The following ZNF264 variants were observed in gnomAD, a reference collection of about 807,000 sequenced individuals.
The protein encoded by ZNF264 is zinc finger protein 264.
A neutral mutation model predicts 11.2 loss-of-function variants in ZNF264; 11 were observed. The observed-to-expected ratio is 0.98, with a 90% confidence interval of 0.62 to 1.63. The LOEUF (loss-of-function observed/expected upper bound fraction) is 1.63, where lower values mean the gene tolerates loss of function less well. ZNF264 is among the 40% of genes most tolerant of loss of function. The pLI is 0.00. For missense variants in ZNF264, 752 were observed against 768.1 expected (o/e 0.98, Z 0.25); for synonymous variants, 309 against 279.8 (o/e 1.10, Z -1.04).
chr19:57,214,249 A>G lies in ZNF264; in HGVS notation c.*1268A>G, dbSNP rs903225101. The G allele has an allele frequency of 6.6e-6, 1 of 152,192 alleles. No individual in the cohort carries two copies. The highest frequency in any genetic ancestry group is 1.5e-5 in the Non-Finnish European group (1 of 68,032). 9.4% of individuals were successfully genotyped at this position (152,192 alleles called of 1,614,324 possible). A position where few individuals can be genotyped will look rare whatever the true frequency, so the allele number is the denominator to read the frequency against. ...TTTGTTTGTCTTATTGCATTGCACA[A>G]GCTGGGACTTCCATTATAGCGTTGA... On this transcript the variant is annotated 3_prime_UTR_variant, in exon 4 of 4. Coordinates refer to ENST00000263095, the MANE Select transcript of ZNF264 (RefSeq NM_003417.5).
At chr19:57,195,756 A>G (rs953089628) in intron 2 of ZNF264, among the ~76,000 whole-genome samples, 1 of 151,838 alleles carries the variant, frequency 6.6e-6, no homozygotes, top group African/African-American at 2.4e-5. Flanking sequence ...TTCTTAGGCT[A>G]TTGACTTAAA....
intron 2 of ZNF264, among the ~76,000 whole-genome samples, chr19:57,204,647 G>A (rs2087278547): frequency 6.6e-6 from 1 of 152,132 alleles, no homozygotes. Context: ...CCCAGTCTCG[G>A]ATATGTCTTT....
rs1034987600 is a variant in ZNF264, at chr19:57,218,879, A to C, written c.*5898A>C. 1 of 152,100 alleles carries C rather than the reference A, an allele frequency of 6.6e-6. No individual in the cohort carries two copies. The highest frequency in any genetic ancestry group is 2.4e-5 in the African/African-American group (1 of 41,400). 9.4% of individuals were successfully genotyped at this position (152,100 alleles called of 1,614,324 possible). On this transcript the variant is annotated 3_prime_UTR_variant, in exon 4 of 4. Coordinates refer to ENST00000263095, the MANE Select transcript of ZNF264 (RefSeq NM_003417.5). The stretch of plus-strand genomic sequence containing the variant: ...TTTTTAACGCCAAAGAAAGACTCTC[A>C]GAGAATAGACAACTATATTCCAAAG...
chr19:57,192,295 C>G, intron 1 of ZNF264: 1 of 973,662 alleles, frequency 1.0e-6, no homozygotes, highest in Non-Finnish European at 1.2e-6. Context: ...CGAGCAGAGA[C>G]AAGGTATGTT....
rs566763254 is a variant in ZNF264 at position 57,219,413 on chromosome 19, A to G, written c.*6432A>G. ...CAAATGGATTTCACCCCGCTTGTCC[A>G]TCAGTCTCTGCCCATTTCTTCTGTC... On this transcript the variant is annotated 3_prime_UTR_variant, in exon 4 of 4. Transcript: ENST00000263095. The G allele has an allele frequency of 6.6e-6, 1 of 152,284 alleles. No homozygotes were observed. The highest frequency in any genetic ancestry group is 1.5e-5 in the Non-Finnish European group (1 of 68,146). 9.4% of individuals were successfully genotyped at this position (152,284 alleles called of 1,614,324 possible).
rs1050372749 is a variant in ZNF264 at position 57,212,960 on chromosome 19, CCCA to C, written c.1865_1867del (p.Pro622del). 3.1e-6 allele frequency: 5 copies of C among 1,609,610 alleles called. No homozygotes were observed. The highest frequency in any genetic ancestry group is 3.4e-5 in the Admixed American group (2 of 59,582). On this transcript the variant is annotated inframe_deletion, in exon 4 of 4. Transcript: ENST00000263095. ...CTGATCAACCATACCAAAGAGAAAC[CCCA>C]CAAGTGTCTTCACTGTGAGAAAACC...
intron 3 of ZNF264, among the ~76,000 whole-genome samples, chr19:57,210,091 C>T (rs912900516): frequency 2.6e-5 from 4 of 152,180 alleles, no homozygotes; most frequent in Non-Finnish European, 5.9e-5. Context: ...TCATGGGAAT[C>T]AGCCTCCCCT....
chr19:57,200,495 C>A lies in ZNF264; in HGVS notation c.161-4902C>A, dbSNP rs528717949. 4.0e-5 allele frequency among the ~76,000 whole-genome samples: 6 copies of A among 151,120 alleles called. No homozygotes were observed. In the South Asian group the frequency reaches 1.3e-3, roughly 32 times the overall value. ...TCAGTACCCTGTTTTACTCCCCCAC[C>A]CCACCCCGACCTTTGGGTCTTGTCT... On this transcript the variant is annotated intron_variant, in intron 2 of 3. Transcript: ENST00000263095.
chr19:57,198,500 A>C (rs1461756586), intron 2 of ZNF264, among the ~76,000 whole-genome samples: 1 of 151,294 alleles, frequency 6.6e-6, no homozygotes, highest in Non-Finnish European at 1.5e-5. Flanking sequence ...TCACCCTAAC[A>C]GGGAGCCAGT....
At chr19:57,195,565 G>A (rs758305910) in intron 2 of ZNF264, among the ~76,000 whole-genome samples, 2 of 149,464 alleles carry the variant, frequency 1.3e-5, no homozygotes, top group Admixed American at 6.6e-5. Context: ...TTGTAGTCCT[G>A]CCTGGATTGG....
At chr19:57,209,943 G>T (rs866550445) in intron 3 of ZNF264, among the ~76,000 whole-genome samples, 4 of 151,928 alleles carry the variant, frequency 2.6e-5, no homozygotes, top group African/African-American at 7.3e-5. Context: ...CATGTGTATG[G>T]TGCTAATCTT....
At position 57,220,064 on chromosome 19, in the gene ZNF264, A is replaced by C. The variant is rs1034966704; in HGVS notation, c.*7083A>C. ...TCCTTCATTTTGCAGAGCAGAATAT[A>C]GATAGGCTCAGGTTAAGAATTTGCC... On this transcript the variant is annotated 3_prime_UTR_variant, in exon 4 of 4. Transcript: ENST00000263095. 5 of 152,360 alleles carry C rather than the reference A, an allele frequency of 3.3e-5. 1 individual carries two copies. In the South Asian group the frequency reaches 1.0e-3, roughly 32 times the overall value. 9.4% of individuals were successfully genotyped at this position (152,360 alleles called of 1,614,324 possible). A position where few individuals can be genotyped will look rare whatever the true frequency, so the allele number is the denominator to read the frequency against.
intron 3 of ZNF264, among the ~76,000 whole-genome samples, chr19:57,209,255 ATATTT>A (rs2087316389): frequency 6.6e-6 from 1 of 152,102 alleles, no homozygotes; most frequent in African/African-American, 2.4e-5. Context: ...TATTAAAAAT[ATATTT>A]TATTCTAAAA....
intron 2 of ZNF264, among the ~76,000 whole-genome samples, chr19:57,197,489 A>G (rs2087220508): frequency 6.6e-6 from 1 of 151,896 alleles, no homozygotes; most frequent in Non-Finnish European, 1.5e-5. Context: ...AAAGGCTCCA[A>G]ACAGCATCCC....
chr19:57,205,233 T>C (rs928622832), intron 2 of ZNF264, among the ~76,000 whole-genome samples, 164 bp from the exon 3 acceptor site: 1 of 152,200 alleles, frequency 6.6e-6, no homozygotes, highest in Non-Finnish European at 1.5e-5. Flanking sequence ...TTTATGTAAT[T>C]ATGGAAACCT....
At chr19:57,208,778 G>C (rs2087313130) in intron 3 of ZNF264, among the ~76,000 whole-genome samples, 1 of 152,116 alleles carries the variant, frequency 6.6e-6, no homozygotes, top group African/African-American at 2.4e-5. Context: ...TTTCTAAAGA[G>C]CTTATGCCAA....
Position 57,213,108 on chromosome 19 carries a change from T to G in ZNF264, c.*127T>G. The stretch of plus-strand genomic sequence containing the variant: ...AGAGACCCAGTGGTTATTGTGCACA[T>G]AGGAGAACCTTCAGCTGCATCTTTC... On this transcript the variant is annotated 3_prime_UTR_variant, in exon 4 of 4. Transcript: ENST00000263095. 9.4e-5 allele frequency: 76 copies of G among 812,046 alleles called. No individual in the cohort carries two copies. Among genetic ancestry groups the G allele is most frequent in the Middle Eastern group, 5.2e-4 (2 of 3,822 alleles). The allele number at this position is 812,046 out of a possible 1,614,324, so 50.3% of individuals were successfully genotyped here.
intron 1 of ZNF264, chr19:57,193,431 C>A: frequency 1.1e-6 from 1 of 892,364 alleles, no homozygotes; most frequent in African/African-American, 1.8e-5. Flanking sequence ...TAAGAGCTGT[C>A]AAGTGTCAGT....
At chr19:57,200,260 T>A (rs1444498002) in intron 2 of ZNF264, among the ~76,000 whole-genome samples, 1 of 151,720 alleles carries the variant, frequency 6.6e-6, no homozygotes, top group East Asian at 1.9e-4. Flanking sequence ...CCCTGAAACT[T>A]GGAATAGGGA....
Sources: allele counts gnomAD v4.1 joint callset (sites outside exome capture counted in the v4.1 genomes callset), GRCh38; gene constraint gnomAD v4.1.1; transcripts MANE v1.5; gene names NCBI Gene and HGNC (gene_info 2026-07-23, HGNC 2026-07-21).